The following CAMK2G variants were observed in gnomAD, a reference collection of about 807,000 sequenced individuals.
The protein encoded by CAMK2G is calcium/calmodulin dependent protein kinase II gamma.
Under a neutral mutation model 88.7 loss-of-function variants are expected in CAMK2G, and 23 were observed. That is an observed-to-expected ratio of 0.26 (90% CI 0.19 to 0.37). CAMK2G has a LOEUF of 0.37. Ranked by LOEUF, CAMK2G falls within the 10% of genes least tolerant of loss-of-function variation. The pLI is 1.00. For synonymous variants in CAMK2G, 263 were observed against 294.8 expected, an observed-to-expected ratio of 0.89 and a Z score of 1.11; for missense variants, 476 against 780.8, an observed-to-expected ratio of 0.61 and a Z score of 4.65.
At position 73,848,119 on chromosome 10, in the gene CAMK2G, G is replaced by A. The variant is rs192788735; in HGVS notation, c.602-37C>T. ...AACACACAGGTCATGGGGGTCAGTCGCCTACTTCCCTGAGGAACCAAGAAA... is the reference window on the plus strand; with the variant it reads ...AACACACAGGTCATGGGGGTCAGTCACCTACTTCCCTGAGGAACCAAGAAA... On this transcript the variant is annotated intron_variant, in intron 8 of 22. Coordinates refer to ENST00000423381, the MANE Select transcript of CAMK2G (RefSeq NM_001367534.1). This position sits in a 1 kb window ranked among gnomAD's most constrained non-coding sequence, Gnocchi z 4.5. The A allele has an allele frequency of 1.6e-3, 1,988 of 1,275,254 alleles. 8 individuals carry two copies. Among genetic ancestry groups the A allele is most frequent in the South Asian group, 3.0e-3 (254 of 84,210 alleles). 79.0% of individuals were successfully genotyped at this position (1,275,254 alleles called of 1,614,324 possible).
intron 2 of CAMK2G, among the ~76,000 whole-genome samples, chr10:73,861,875 G>C (rs2095394970): frequency 6.6e-6 from 1 of 152,116 alleles, no homozygotes; most frequent in African/African-American, 2.4e-5. Context: ...TTCTACACCA[G>C]GCAGCTGCCT....
At chr10:73,867,538 G>C (rs753288735) in intron 2 of CAMK2G, among the ~76,000 whole-genome samples, 1 of 152,188 alleles carries the variant, frequency 6.6e-6, no homozygotes, top group East Asian at 1.9e-4. Flanking sequence ...CAGCAAGCAG[G>C]GGGGAAGGGA....
At position 73,853,224 on chromosome 10, in the gene CAMK2G, A is replaced by T; in HGVS notation, c.243T>A (p.Ser81=). Reference sequence around the variant, plus strand: ...ACACGAGGTAGTGAAACCCTTCTTCAGAAATACTGTCATGGAGGCGCACTG... The same window carrying T: ...ACACGAGGTAGTGAAACCCTTCTTCTGAAATACTGTCATGGAGGCGCACTG... The part of the protein sequence containing the change: ...PNIVRLHDSI[S]EEGFHYLVFD... The change falls in exon 4 of 23, where the codon TCT becomes TCA. Residue 81 remains serine (S), a synonymous_variant. Transcript: ENST00000423381. 1 of 1,614,182 alleles carries T rather than the reference A, an allele frequency of 6.2e-7. No homozygotes were observed. The highest frequency in any genetic ancestry group is 8.5e-7 in the Non-Finnish European group (1 of 1,179,978).
chr10:73,852,353 G>A, intron 4 of CAMK2G, 34 bp from the exon 5 acceptor site: 1 of 1,585,400 alleles, frequency 6.3e-7, no homozygotes, highest in Non-Finnish European at 8.7e-7. Flanking sequence ...GTCAGAGGCA[G>A]AAAGGGTCCT....
chr10:73,863,403 G>A (rs2135623332), intron 2 of CAMK2G, among the ~76,000 whole-genome samples: 1 of 152,340 alleles, frequency 6.6e-6, no homozygotes, highest in Middle Eastern at 3.4e-3. Flanking sequence ...TGGTGGCTGG[G>A]GGGCTTGCTT....
intron 5 of CAMK2G, among the ~76,000 whole-genome samples, chr10:73,850,487 G>A (rs2094542139): frequency 6.6e-6 from 1 of 152,218 alleles, no homozygotes; most frequent in Non-Finnish European, 1.5e-5. Flanking sequence ...ACAACTGGAG[G>A]AGGGGTGCTC....
intron 14 of CAMK2G, among the ~76,000 whole-genome samples, chr10:73,836,212 T>G (rs537142045): frequency 6.6e-6 from 1 of 152,298 alleles, no homozygotes; most frequent in Non-Finnish European, 1.5e-5. Flanking sequence ...TGCAGCTTTC[T>G]CCAGTACGCT....
intron 3 of CAMK2G, among the ~76,000 whole-genome samples, chr10:73,860,251 C>A (rs1475415157): frequency 6.6e-6 from 1 of 152,314 alleles, no homozygotes; most frequent in South Asian, 2.1e-4. Context: ...TCTTGTCCCC[C>A]CAGTCAGGGT....
At chr10:73,858,726 A>C (rs1160604114) in intron 3 of CAMK2G, among the ~76,000 whole-genome samples, 1 of 152,268 alleles carries the variant, frequency 6.6e-6, no homozygotes, top group Non-Finnish European at 1.5e-5. Context: ...AGCCGAGGGC[A>C]GATGGTAAAA....
At chr10:73,828,664 T>G (rs2091749463) in intron 14 of CAMK2G, among the ~76,000 whole-genome samples, 1 of 152,230 alleles carries the variant, frequency 6.6e-6, no homozygotes. Context: ...GAAAATCACC[T>G]AGCAGTTAAA....
In CAMK2G at chr10:73,848,880, T is replaced by C. The variant is rs1175593030; in HGVS notation, c.517+133A>G. On this transcript the variant is annotated intron_variant, in intron 7 of 22. Transcript: ENST00000423381. The surrounding 1 kb of genome is among the most constrained non-coding windows in gnomAD (Gnocchi z 4.5). ...CAACAGCTAGACTTACTGTACTGAG[T>C]CGCGTACGGCCAAGAGAGATCTCGG... 5.4e-6 allele frequency: 4 copies of C among 734,598 alleles called. No individual in the cohort carries two copies. Among genetic ancestry groups the C allele is most frequent in the Non-Finnish European group, 1.0e-5 (4 of 400,580 alleles). The allele number at this position is 734,598 out of a possible 1,614,324, so 45.5% of individuals were successfully genotyped here. A position where few individuals can be genotyped will look rare whatever the true frequency, so the allele number is the denominator to read the frequency against.
intron 15 of CAMK2G, among the ~76,000 whole-genome samples, chr10:73,827,209 C>T (rs926964994): frequency 3.9e-5 from 6 of 151,998 alleles, no homozygotes; most frequent in South Asian, 4.1e-4. Flanking sequence ...TTTTTTGAGA[C>T]GGAGTCTAGC....
At chr10:73,872,944 C>A in intron 2 of CAMK2G, 45 bp downstream of exon 2, 1 of 1,250,182 alleles carries the variant, frequency 8.0e-7, no homozygotes, top group Non-Finnish European at 1.2e-6. Context: ...AAACCATGGC[C>A]CCTGGAGGCA....
Position 73,842,822 on chromosome 10 carries a change from C to T in CAMK2G, c.820-281G>A, listed in dbSNP as rs2093911826. ...TTCTTCCTTGGGAAACAGAGGCTAC[C>T]GAACAGGAGAGTACCCTGGGGGCTG... is the stretch of plus-strand genomic sequence containing the variant. On this transcript the variant is annotated intron_variant, in intron 10 of 22. Transcript: ENST00000423381. This position sits in a 1 kb window ranked among gnomAD's most constrained non-coding sequence, Gnocchi z 4.6. 6.6e-6 allele frequency among the ~76,000 whole-genome samples: 1 copy of T among 152,152 alleles called. No homozygotes were observed. Among genetic ancestry groups the T allele is most frequent in the African/African-American group, 2.4e-5 (1 of 41,410 alleles).
intron 3 of CAMK2G, among the ~76,000 whole-genome samples, chr10:73,855,561 G>A (rs1411048945): frequency 7.3e-6 from 1 of 137,562 alleles, no homozygotes; most frequent in East Asian, 2.4e-4. Context: ...CCCTGCCCCC[G>A]CCCAGCACAG....
At chr10:73,820,498 T>A (rs1207300693) in intron 18 of CAMK2G, among the ~76,000 whole-genome samples, 130 of 94,406 alleles carry the variant, frequency 1.4e-3, no homozygotes, top group South Asian at 0.012. Context: ...ATATATTTTT[T>A]TTTTTTTTTT....
chr10:73,873,921 G>A (rs1356881068), intron 1 of CAMK2G, among the ~76,000 whole-genome samples: 3 of 137,476 alleles, frequency 2.2e-5, no homozygotes, highest in Admixed American at 7.0e-5. Flanking sequence ...GCGGGGCTGG[G>A]AGCCTGGAGC....
At chr10:73,817,240 A>T (rs1044454585) in intron 20 of CAMK2G, 123 bp from the exon 21 acceptor site, 3 of 1,359,496 alleles carry the variant, frequency 2.2e-6, no homozygotes, top group Non-Finnish European at 3.0e-6. Flanking sequence ...CAAGACAGCA[A>T]AGATCTTCCA....
chr10:73,863,342 G>A (rs1298078661), intron 2 of CAMK2G, among the ~76,000 whole-genome samples: 1 of 152,216 alleles, frequency 6.6e-6, no homozygotes, highest in Admixed American at 6.5e-5. Context: ...CAGGGATGTG[G>A]CCAGTGACCT....
Sources: gnomAD v4.1 joint callset for allele counts (sites outside exome capture counted in the v4.1 genomes callset) on GRCh38, gnomAD v4.1.1 for gene constraint, Gnocchi (gnomAD v3.1) non-coding constraint, MANE v1.5 for transcripts, NCBI Gene and HGNC (gene_info 2026-07-23, HGNC 2026-07-21) for gene names.